The following HSD3B7 variants were observed in gnomAD, a reference collection of about 807,000 sequenced individuals.
HSD3B7 encodes 3 beta-hydroxysteroid dehydrogenase type 7.
Under a neutral mutation model 34.3 loss-of-function variants are expected in HSD3B7, and 35 were observed. The observed-to-expected ratio is 1.02, with a 90% CI of 0.78 to 1.35. HSD3B7 has a LOEUF of 1.35. Ranked by LOEUF, HSD3B7 falls within the 40% of genes most tolerant of loss-of-function variation. The probability of loss-of-function intolerance (pLI) is 0.00; values close to 1 mark genes in which losing one functional copy is unlikely to be tolerated. For missense variants in HSD3B7, 426 were observed against 504.7 expected, an observed-to-expected ratio of 0.84 and a Z score of 1.49; for synonymous variants, 217 against 220.1, an observed-to-expected ratio of 0.99 and a Z score of 0.13.
Position 30,986,059 on chromosome 16 carries a change from G to A in HSD3B7, c.177G>A (p.Arg59=). ...TCCAACCCCGGCCAGGGCCTGTGAG[G>A]GTGACTGCCATCCAGGGGGACGTGA... ...WLEELKTGPV[R]VTAIQGDVTQ... Residue 59 remains arginine (R), a synonymous_variant, in exon 3 of 7, where the codon AGG becomes AGA. Transcript: ENST00000297679. 1 of 1,613,014 alleles carries A rather than the reference G, an allele frequency of 6.2e-7. No individual in the cohort carries two copies. Among genetic ancestry groups the A allele is most frequent in the Non-Finnish European group, 8.5e-7 (1 of 1,179,890 alleles).
rs1164732449 is a variant in HSD3B7, at chr16:30,988,318, C to T, written c.*135C>T. 7 of 780,050 alleles carry T rather than the reference C, an allele frequency of 9.0e-6. No homozygotes were observed. The highest frequency in any genetic ancestry group is 5.4e-5 in the East Asian group (2 of 37,144). The allele number at this position is 780,050 out of a possible 1,614,324, so 48.3% of individuals were successfully genotyped here. A position where few individuals can be genotyped will look rare whatever the true frequency, so the allele number is the denominator to read the frequency against. On this transcript the variant is annotated 3_prime_UTR_variant, in exon 7 of 7. Transcript: ENST00000297679. Reference sequence around the variant, plus strand: ...CTGGGGCCAGAATGGCTGTCCTTGTCGTAGAGCCCTCCACATTTTCTTTTT... The same window carrying T: ...CTGGGGCCAGAATGGCTGTCCTTGTTGTAGAGCCCTCCACATTTTCTTTTT...
Position 30,988,138 on chromosome 16 carries a change from C to T in HSD3B7, c.1065C>T (p.Thr355=). 6.2e-7 allele frequency: 1 copy of T among 1,607,138 alleles called. No individual in the cohort carries two copies. The highest frequency in any genetic ancestry group is 8.5e-7 in the Non-Finnish European group (1 of 1,179,152). ...EPLFSWEDSR[T]RTILWVQAAT... The stretch of plus-strand genomic sequence containing the variant: ...TGTTCTCGTGGGAGGATAGCCGGAC[C>T]CGTACCATTCTCTGGGTACAGGCCG... Residue 355 remains threonine, a synonymous_variant, in exon 7 of 7, where the codon ACC becomes ACT. Transcript: ENST00000297679.
At chr16:30,987,539 C>T (rs1453628391) in intron 6 of HSD3B7, 2 of 603,596 alleles carry the variant, frequency 3.3e-6, no homozygotes, top group African/African-American at 1.9e-5. Flanking sequence ...GGGCCCACCA[C>T]GCAGGTCCTG....
At chr16:30,987,497 G>A in intron 6 of HSD3B7, 1 of 562,512 alleles carries the variant, frequency 1.8e-6, no homozygotes, top group Non-Finnish European at 3.2e-6. Flanking sequence ...AAGGTCACCT[G>A]CCACTCCATC....
At chr16:30,986,009 C>A in intron 2 of HSD3B7, 40 bp from the exon 3 acceptor site, 1 of 1,607,464 alleles carries the variant, frequency 6.2e-7, no homozygotes, top group South Asian at 1.1e-5. Context: ...GGCCTCTGGC[C>A]CCAGCTCTGA....
At chr16:30,987,640 C>A (rs2056502982) in intron 6 of HSD3B7, 128 bp from the exon 7 acceptor site, 2 of 1,080,108 alleles carry the variant, frequency 1.9e-6, no homozygotes, top group Non-Finnish European at 2.8e-6. Context: ...GCAGCCTTTC[C>A]CAGGCTGCTG....
rs1240435879 is a variant in HSD3B7 at position 30,986,469 on chromosome 16, C to G, written c.369C>G (p.Phe123Leu). 1.2e-6 allele frequency: 2 copies of G among 1,614,144 alleles called. No individual in the cohort carries two copies. Among genetic ancestry groups the G allele is most frequent in the Admixed American group, 1.7e-5 (1 of 60,032 alleles). ...IEACVQTGTR[F>L]LVYTSSMEVV... ...CTTGTGTGCAGACCGGAACACGGTT[C>G]CTGGTCTACACCAGCAGCATGGAAG... The change falls in exon 4 of 7, where the codon TTC (phenylalanine) becomes TTG (leucine). Residue 123 changes from phenylalanine (F) to leucine (L), a missense_variant. Phe to Leu is a conservative substitution (Grantham distance 22). Transcript: ENST00000297679.
chr16:30,985,620 C>T, intron 1 of HSD3B7, 33 bp from the exon 2 acceptor site: 3 of 1,576,676 alleles, frequency 1.9e-6, no homozygotes, highest in Non-Finnish European at 2.6e-6. Flanking sequence ...AGGTGGCAGC[C>T]AGCCCCTGGA....
At chr16:30,987,591 G>A in intron 6 of HSD3B7, 177 bp from the exon 7 acceptor site, 1 of 700,880 alleles carries the variant, frequency 1.4e-6, no homozygotes, top group South Asian at 1.6e-5. Context: ...GATGCAGGCT[G>A]GCCCAGGAGA....
rs148706735 is a variant in HSD3B7, at chr16:30,986,108, G to T, written c.226G>T (p.Ala76Ser). 3 of 1,613,960 alleles carry T rather than the reference G, an allele frequency of 1.9e-6. No homozygotes were observed. The East Asian group carries it at 6.7e-5, about 36-fold the overall frequency. The change falls in exon 3 of 7, where the codon GCT becomes TCT. Residue 76 changes from alanine (A) to serine (S), a missense_variant. Coordinates refer to ENST00000297679, the MANE Select transcript of HSD3B7 (RefSeq NM_025193.4). ...DVTQAHEVAA[A>S]VAGAHVVIHT... Reference sequence around the variant, plus strand: ...GACCCAGGCCCATGAGGTGGCAGCAGCTGTGGCCGGAGCCCATGTGGTCAT... The same window carrying T: ...GACCCAGGCCCATGAGGTGGCAGCATCTGTGGCCGGAGCCCATGTGGTCAT...
chr16:30,986,265 C>G lies in HSD3B7; in HGVS notation c.322+61C>G, dbSNP rs77347721. On this transcript the variant is annotated intron_variant, in intron 3 of 6. Coordinates refer to ENST00000297679, the MANE Select transcript of HSD3B7 (RefSeq NM_025193.4). ...GTTTGTTCCCCACTCTGTCTTTGGC[C>G]TTGACCTCCGGTGACTCCCCTGGGA... 1.5e-3 allele frequency: 2,451 copies of G among 1,590,800 alleles called. 5 individuals are homozygous for G. The highest frequency in any genetic ancestry group is 1.8e-3 in the Non-Finnish European group (2,152 of 1,167,948).
chr16:30,986,241 T>A (rs2056474861), intron 3 of HSD3B7, 37 bp downstream of exon 3: 1 of 1,607,624 alleles, frequency 6.2e-7, no homozygotes, highest in African/African-American at 1.3e-5. Flanking sequence ...ATCTTGCCTG[T>A]TTGTTCCCCA....
In HSD3B7 at chr16:30,985,270, T is replaced by C; in HGVS notation, c.-34T>C. ...AAAGAAGAGGGCCCCTCCAGGCCAG[T>C]CTGGGCACCCTGGGATAGCGGCTGC... On this transcript the variant is annotated 5_prime_UTR_variant, in exon 1 of 7. Coordinates refer to ENST00000297679, the MANE Select transcript of HSD3B7 (RefSeq NM_025193.4). 1 of 1,170,066 alleles carries C rather than the reference T, an allele frequency of 8.5e-7. No individual in the cohort carries two copies. The highest frequency in any genetic ancestry group is 1.1e-6 in the Non-Finnish European group (1 of 934,524). The allele number at this position is 1,170,066 out of a possible 1,614,324, so 72.5% of individuals were successfully genotyped here.
chr16:30,986,329 G>C (rs1484813186), intron 3 of HSD3B7, 94 bp from the exon 4 acceptor site: 5 of 1,557,714 alleles, frequency 3.2e-6, no homozygotes, highest in Non-Finnish European at 4.4e-6. Flanking sequence ...CGCCTCCCCT[G>C]ACCTGTCATG....
intron 6 of HSD3B7, 62 bp downstream of exon 6, chr16:30,987,064 G>C: frequency 6.5e-7 from 1 of 1,547,266 alleles, no homozygotes; most frequent in Non-Finnish European, 8.8e-7. Flanking sequence ...CTCTAGAAGG[G>C]GGCAGGACCC....
In HSD3B7 at chr16:30,986,456, C is replaced by T; in HGVS notation, c.356C>T (p.Thr119Ile). The T allele has an allele frequency of 6.2e-7, 1 of 1,614,124 alleles. No individual in the cohort carries two copies. Among genetic ancestry groups the T allele is most frequent in the Non-Finnish European group, 8.5e-7 (1 of 1,180,016 alleles). Residue 119 changes from threonine (T) to isoleucine (I), a missense_variant, in exon 4 of 7, where the codon ACC becomes ATC. By Grantham distance (89) the Thr-to-Ile change is moderately conservative. Coordinates refer to ENST00000297679, the MANE Select transcript of HSD3B7 (RefSeq NM_025193.4). ...TRNVIEACVQTGTRFLVYTSS... is the reference protein window; with the variant it reads ...TRNVIEACVQIGTRFLVYTSS... ...AACGTGATCGAGGCTTGTGTGCAGA[C>T]CGGAACACGGTTCCTGGTCTACACC... is the stretch of plus-strand genomic sequence containing the variant.
chr16:30,987,125 T>A, intron 6 of HSD3B7, 123 bp downstream of exon 6: 1 of 996,428 alleles, frequency 1.0e-6, no homozygotes, highest in Non-Finnish European at 1.4e-6. Context: ...ATATGGTCTA[T>A]ACATGGGCCA....
chr16:30,986,556 C>CT (rs777777150), intron 4 of HSD3B7, 25 bp downstream of exon 4: 2 of 1,613,006 alleles, frequency 1.2e-6, no homozygotes, highest in Non-Finnish European at 1.7e-6. Flanking sequence ...CTCTTGTCCT[C>CT]TAAGAGCCCA....
In HSD3B7 at chr16:30,987,850, C is replaced by G. The variant is rs767401092; in HGVS notation, c.777C>G (p.Cys259Trp). 6.2e-7 allele frequency: 1 copy of G among 1,613,644 alleles called. No homozygotes were observed. Among genetic ancestry groups the G allele is most frequent in the Admixed American group, 1.7e-5 (1 of 60,030 alleles). The change falls in exon 7 of 7, where the codon TGC (cysteine) becomes TGG (tryptophan). Residue 259 changes from cysteine (C) to tryptophan (W), a missense_variant. Cys to Trp is a radical substitution (Grantham distance 215). Transcript: ENST00000297679. ...ATLMGGQVYFCYDGSPYRSYE... is the reference protein window; with the variant it reads ...ATLMGGQVYFWYDGSPYRSYE... ...TGATGGGCGGCCAGGTATACTTCTG[C>G]TACGATGGATCACCCTACAGGAGCT...
Sources: allele counts gnomAD v4.1 joint callset, GRCh38; gene constraint gnomAD v4.1.1; transcripts MANE v1.5; gene names NCBI Gene and HGNC (gene_info 2026-07-23, HGNC 2026-07-21).